Variants in PTPRE observed in about 807,000 individuals in gnomAD.
PTPRE encodes the protein protein tyrosine phosphatase receptor type E, also known as receptor-type tyrosine-protein phosphatase epsilon.
PTPRE carries 51 observed loss-of-function variants against 102.0 expected under a neutral mutation model. That is an observed-to-expected ratio of 0.50 (90% confidence interval 0.40 to 0.63). PTPRE has a LOEUF of 0.63. Ranked by LOEUF, PTPRE falls within the 30% of genes least tolerant of loss-of-function variation. The probability of loss-of-function intolerance (pLI) is 0.00; values close to 1 mark genes in which losing one functional copy is unlikely to be tolerated. For synonymous variants in PTPRE, 345 were observed against 348.2 expected (o/e 0.99, Z 0.10); for missense variants, 752 against 915.1 (o/e 0.82, Z 2.30).
intron 2 of PTPRE, among the ~76,000 whole-genome samples, chr10:128,025,158 C>CAAAAAAAAAAA (rs71472683): frequency 1.5e-5 from 1 of 65,790 alleles, no homozygotes; most frequent in African/African-American, 6.6e-5. Context: ...GATCCTGTCT[C>CAAAAAAAAAAA]AAAAAAAAAA....
At chr10:127,994,505 GT>G (rs1272782856) in intron 2 of PTPRE, among the ~76,000 whole-genome samples, 1 of 152,224 alleles carries the variant, frequency 6.6e-6, no homozygotes, top group Non-Finnish European at 1.5e-5. Flanking sequence ...CCTTGCACAA[GT>G]GCTGGCATGA....
intron 2 of PTPRE, among the ~76,000 whole-genome samples, chr10:128,023,237 G>A (rs1846048934): frequency 6.6e-6 from 1 of 151,914 alleles, no homozygotes; most frequent in Non-Finnish European, 1.5e-5. Flanking sequence ...AGGTATACAT[G>A]TATAGGAAAA....
chr10:128,023,447 G>A (rs1029855306), intron 2 of PTPRE, among the ~76,000 whole-genome samples: 4 of 152,076 alleles, frequency 2.6e-5, no homozygotes, highest in African/African-American at 9.7e-5. Context: ...GGTGAGTAGA[G>A]TACAAGATAC....
Position 128,068,248 on chromosome 10 carries a change from C to G in PTPRE, c.969C>G (p.Leu323=), listed in dbSNP as rs753787396. The change falls in exon 12 of 21, where the codon CTC becomes CTG. Residue 323 remains leucine, a synonymous_variant. Transcript: ENST00000254667. The part of the protein sequence containing the change: ...MLKFLKKVKT[L]NPVHAGPIVV... Reference sequence around the variant, plus strand: ...AGTTCCTCAAGAAAGTAAAGACGCTCAACCCCGTGCACGCTGGGCCCATCG... The same window carrying G: ...AGTTCCTCAAGAAAGTAAAGACGCTGAACCCCGTGCACGCTGGGCCCATCG... The G allele has an allele frequency of 1.2e-6, 2 of 1,614,056 alleles. No homozygotes were observed. Among genetic ancestry groups the G allele is most frequent in the Non-Finnish European group, 1.7e-6 (2 of 1,180,016 alleles).
At chr10:128,081,351 C>G (rs1460735295) in intron 20 of PTPRE, among the ~76,000 whole-genome samples, 2 of 152,182 alleles carry the variant, frequency 1.3e-5, no homozygotes, top group African/African-American at 4.8e-5. Context: ...ATCTGTTCTC[C>G]TGGAGTCTGT....
chr10:128,061,562 C>A, intron 8 of PTPRE, 117 bp from the exon 9 acceptor site: 1 of 1,295,640 alleles, frequency 7.7e-7, no homozygotes, highest in Non-Finnish European at 1.0e-6. Context: ...TAACCTTTTC[C>A]TGTGTTTTGC....
At position 128,022,221 on chromosome 10, in the gene PTPRE, T is replaced by C. The variant is rs963215027; in HGVS notation, c.-7-18654T>C. On this transcript the variant is annotated intron_variant, in intron 2 of 20. Transcript: ENST00000254667. ...CAGCACCACCCAGGCCCCTCCTGAGTCGGCAGCACTGAGTCCCCAGGTGCA... is the reference window on the plus strand; with the variant it reads ...CAGCACCACCCAGGCCCCTCCTGAGCCGGCAGCACTGAGTCCCCAGGTGCA... Among the ~76,000 whole-genome samples, 8 of 151,988 alleles carry C rather than the reference T, an allele frequency of 5.3e-5. No homozygotes were observed. In the East Asian group the frequency reaches 1.2e-3, roughly 22 times the overall value.
At chr10:128,063,016 CG>C in intron 9 of PTPRE, 66 bp from the exon 10 acceptor site, 2 of 1,598,718 alleles carry the variant, frequency 1.3e-6, no homozygotes, top group Non-Finnish European at 1.7e-6. Flanking sequence ...GCCAGGGTGC[CG>C]GGGCTGGGAC....
chr10:127,969,974 C>T (rs902525433), intron 1 of PTPRE, among the ~76,000 whole-genome samples: 1 of 152,326 alleles, frequency 6.6e-6, no homozygotes, highest in Non-Finnish European at 1.5e-5. Context: ...GTCTCCTCCT[C>T]TCTCCCTTTG....
At chr10:127,955,957 A>T (rs926315207) in intron 1 of PTPRE, among the ~76,000 whole-genome samples, 4 of 152,118 alleles carry the variant, frequency 2.6e-5, no homozygotes, top group African/African-American at 9.7e-5. Flanking sequence ...GCAAGGGGGA[A>T]ATCCATCCCA....
intron 1 of PTPRE, among the ~76,000 whole-genome samples, chr10:127,935,537 C>T (rs1299318991): frequency 1.3e-5 from 2 of 152,152 alleles, no homozygotes; most frequent in African/African-American, 4.8e-5. Context: ...CATCTGGGCC[C>T]TGCAACTCCA....
intron 2 of PTPRE, among the ~76,000 whole-genome samples, chr10:127,997,146 A>G (rs900176858): frequency 2.6e-5 from 4 of 152,196 alleles, no homozygotes; most frequent in Admixed American, 6.5e-5. Context: ...TTTTTCAAAC[A>G]GCAGCCTCTG....
intron 1 of PTPRE, among the ~76,000 whole-genome samples, chr10:127,938,519 T>C (rs1420725516): frequency 6.6e-6 from 1 of 152,098 alleles, no homozygotes; most frequent in African/African-American, 2.4e-5. Context: ...GAGGATCGCT[T>C]GAGCCTGTGA....
rs779499062 is a variant in PTPRE, at chr10:128,079,663, C to T, written c.1996C>T (p.Arg666Ter). The T allele has an allele frequency of 3.7e-6, 6 of 1,613,764 alleles. No homozygotes were observed. Among genetic ancestry groups the T allele is most frequent in the Non-Finnish European group, 4.2e-6 (5 of 1,179,666 alleles). The change falls in exon 20 of 21, where the codon CGA (arginine) becomes TGA (stop). Residue 666 changes from arginine (R) to a stop codon, truncating the protein, a stop_gained. Transcript: ENST00000254667. LOFTEE classifies it high-confidence loss of function. ...LDVFQAVKSLRLQRPHMVQTL... is the reference protein window; with the variant it reads ...LDVFQAVKSL ...TGTATTTCAAGCTGTGAAGAGTTTA[C>T]GACTTCAGAGACCACATATGGTGCA...
intron 2 of PTPRE, among the ~76,000 whole-genome samples, chr10:128,010,557 T>TTTTC (rs1169888126): frequency 2.8e-5 from 4 of 140,500 alleles, no homozygotes; most frequent in African/African-American, 3.0e-5. Context: ...TTTTCTTTTC[T>TTTTC]TTTCTTTTCT....
chr10:128,011,704 A>G (rs7077701), intron 2 of PTPRE, among the ~76,000 whole-genome samples: 4 of 152,146 alleles, frequency 2.6e-5, no homozygotes, highest in Non-Finnish European at 2.9e-5. Context: ...TGCTTCCTCT[A>G]TCTGTCCTGT....
At chr10:127,930,981 C>T (rs867779843) in intron 1 of PTPRE, among the ~76,000 whole-genome samples, 3 of 152,034 alleles carry the variant, frequency 2.0e-5, no homozygotes, top group East Asian at 1.9e-4. Context: ...TTAATAGGGA[C>T]GGGGTTTCGC....
intron 3 of PTPRE, among the ~76,000 whole-genome samples, chr10:128,041,573 G>C (rs1229061604): frequency 6.9e-6 from 1 of 144,464 alleles, no homozygotes; most frequent in Non-Finnish European, 1.5e-5. Context: ...ACTTCAACCT[G>C]GGAGGCGGAG....
chr10:127,968,638 T>A (rs1589858809), intron 1 of PTPRE, among the ~76,000 whole-genome samples: 1 of 152,210 alleles, frequency 6.6e-6, no homozygotes, highest in Non-Finnish European at 1.5e-5. Context: ...CTAATTCAGG[T>A]GGATTAAGGT....
Sources: gnomAD v4.1 joint callset for allele counts (sites outside exome capture counted in the v4.1 genomes callset) on GRCh38, gnomAD v4.1.1 for gene constraint, MANE v1.5 for transcripts, NCBI Gene and HGNC (gene_info 2026-07-23, HGNC 2026-07-21) for gene names.